SP100: variants seen among roughly 807,000 people sequenced by gnomAD.
SP100 encodes SP100 nuclear body protein, also known as nuclear autoantigen Sp-100.
In SP100, 84 loss-of-function variants were observed where a neutral mutation model predicts 130.0. The observed-to-expected ratio is 0.65, with a 90% CI of 0.54 to 0.77. The LOEUF (loss-of-function observed/expected upper bound fraction) is 0.77. Among genes scored for constraint, SP100 ranks in the 30% least tolerant of loss-of-function variants. The probability of loss-of-function intolerance (pLI) is 0.00; values close to 1 mark genes in which losing one functional copy is unlikely to be tolerated. For missense variants in SP100, 978 were observed against 1,052.2 expected (o/e 0.93, Z 0.97); for synonymous variants, 331 against 351.7 (o/e 0.94, Z 0.66).
chr2:230,425,801 AT>A (rs35350531), intron 2 of SP100, among the ~76,000 whole-genome samples: 35 of 148,076 alleles, frequency 2.4e-4, no homozygotes, highest in Admixed American at 1.5e-3. Flanking sequence ...CTTGCTCTTA[AT>A]TTTTTTTTTT....
chr2:230,416,639 T>G, intron 1 of SP100: 1 of 658,702 alleles, frequency 1.5e-6, no homozygotes, highest in Non-Finnish European at 2.0e-6. Context: ...TATTTCCTCA[T>G]GATCTGTGAA....
chr2:230,536,773 G>T (rs538540369), intron 24 of SP100, among the ~76,000 whole-genome samples: 1 of 60,400 alleles, frequency 1.7e-5, no homozygotes, highest in East Asian at 3.4e-4. Flanking sequence ...AATACTCATT[G>T]TCTCAGTGAT....
Position 230,436,884 on chromosome 2 carries a change from A to ACG in SP100, c.108-6052_108-6051insGC, listed in dbSNP as rs1553634413. Among the ~76,000 whole-genome samples, 807 of 84,834 alleles carry ACG rather than the reference A, an allele frequency of 9.5e-3. 5 individuals carry two copies. The highest frequency in any genetic ancestry group is 0.036 in the African/African-American group (773 of 21,428). The allele number at this position is 84,834 out of a possible 152,430, so 55.7% of individuals were successfully genotyped here. On this transcript the variant is annotated intron_variant, in intron 2 of 28. Coordinates refer to ENST00000340126, the MANE Select transcript of SP100 (RefSeq NM_001080391.2). ...CACATATGTATATGTGTATACACAC[A>ACG]CATATATGTGTATACACACACGCAT...
chr2:230,511,938 C>T (rs1690616944), intron 24 of SP100, among the ~76,000 whole-genome samples: 1 of 152,230 alleles, frequency 6.6e-6, no homozygotes, highest in South Asian at 2.1e-4. Context: ...ACAATCACAG[C>T]TCACTGCAGC....
At chr2:230,480,195 A>G (rs1303733074) in intron 17 of SP100, among the ~76,000 whole-genome samples, 6 of 152,172 alleles carry the variant, frequency 3.9e-5, no homozygotes, top group African/African-American at 1.2e-4. Flanking sequence ...TTTATTCACA[A>G]CTGTATCCTC....
intron 19 of SP100, among the ~76,000 whole-genome samples, chr2:230,500,829 G>C (rs1322142086): frequency 6.6e-6 from 1 of 152,144 alleles, no homozygotes; most frequent in Non-Finnish European, 1.5e-5. Context: ...GCCCAATCAT[G>C]GTCTTTGAAA....
chr2:230,419,859 T>C (rs963961517), intron 2 of SP100, among the ~76,000 whole-genome samples: 1 of 152,202 alleles, frequency 6.6e-6, no homozygotes, highest in South Asian at 2.1e-4. Context: ...ATTTTACATA[T>C]GAATTTGCGT....
chr2:230,512,394 A>G (rs910974180), intron 24 of SP100, among the ~76,000 whole-genome samples: 1 of 142,302 alleles, frequency 7.0e-6, no homozygotes, highest in Non-Finnish European at 1.5e-5. Flanking sequence ...GATTCAGGCA[A>G]TTCTCCTGCC....
chr2:230,495,070 T>C (rs1430166994), intron 18 of SP100, among the ~76,000 whole-genome samples: 1 of 152,222 alleles, frequency 6.6e-6, no homozygotes, highest in East Asian at 1.9e-4. Context: ...TCCAGCCTTT[T>C]TGTCACCTGA....
intron 25 of SP100, among the ~76,000 whole-genome samples, chr2:230,540,545 A>AG (rs1692131349): frequency 6.6e-6 from 1 of 152,200 alleles, no homozygotes; most frequent in Non-Finnish European, 1.5e-5. Context: ...TTTGTGCTTA[A>AG]GGTACTCATT....
intron 2 of SP100, among the ~76,000 whole-genome samples, chr2:230,427,209 T>G (rs969173488): frequency 1.3e-5 from 2 of 152,154 alleles, no homozygotes; most frequent in Non-Finnish European, 2.9e-5. Flanking sequence ...TCACCCAGGT[T>G]GGAGTGCAGT....
intron 24 of SP100, among the ~76,000 whole-genome samples, chr2:230,533,001 G>A (rs917223322): frequency 3.9e-5 from 6 of 151,996 alleles, no homozygotes; most frequent in East Asian, 3.9e-4. Context: ...GGCTGGTGTC[G>A]AACGCCTAAC....
intron 3 of SP100, 30 bp from the exon 4 acceptor site, chr2:230,444,148 T>C: frequency 6.7e-7 from 1 of 1,483,078 alleles, no homozygotes; most frequent in South Asian, 1.3e-5. Flanking sequence ...AAGTCTTTAT[T>C]TATATTTTCT....
In SP100 at chr2:230,533,612, A is replaced by G. The variant is rs1691802934; in HGVS notation, c.2095-5655A>G. On this transcript the variant is annotated intron_variant, in intron 24 of 28. Coordinates refer to ENST00000340126, the MANE Select transcript of SP100 (RefSeq NM_001080391.2). ...TCAGACCTGGGAGAAAATGACAGTCAAAATGAACTGCTTTCATGAGACACT... is the reference window on the plus strand; with the variant it reads ...TCAGACCTGGGAGAAAATGACAGTCGAAATGAACTGCTTTCATGAGACACT... Among the ~76,000 whole-genome samples, 4 of 152,234 alleles carry G rather than the reference A, an allele frequency of 2.6e-5. No individual in the cohort carries two copies. In the South Asian group the frequency reaches 8.3e-4, roughly 31 times the overall value.
intron 15 of SP100, among the ~76,000 whole-genome samples, chr2:230,472,836 G>C (rs987624754): frequency 2.6e-5 from 4 of 152,078 alleles, no homozygotes; most frequent in African/African-American, 9.7e-5. Context: ...GATTAAAAAA[G>C]GCCTCACCCA....
At chr2:230,535,523 T>TTC (rs141197281) in intron 24 of SP100, among the ~76,000 whole-genome samples, 6 of 151,768 alleles carry the variant, frequency 4.0e-5, no homozygotes, top group East Asian at 1.9e-4. Flanking sequence ...TGAGGCATAT[T>TTC]TCTCTCTCTC....
Position 230,447,461 on chromosome 2 carries a change from G to GC in SP100, c.523+565dup, listed in dbSNP as rs971782079. Among the ~76,000 whole-genome samples the GC allele has an allele frequency of 2.6e-5, 4 of 152,280 alleles. No homozygotes were observed. The South Asian group carries it at 8.3e-4, about 32-fold the overall frequency. On this transcript the variant is annotated intron_variant, in intron 5 of 28. Coordinates refer to ENST00000340126, the MANE Select transcript of SP100 (RefSeq NM_001080391.2). Reference sequence around the variant, plus strand: ...GTTAAGGGCTCATTCCCATAAGAATGCCCCCCACTTCAGATGCCAGTTGCA... The same window carrying GC: ...GTTAAGGGCTCATTCCCATAAGAATGCCCCCCCACTTCAGATGCCAGTTGCA...
At chr2:230,500,988 A>G (rs2066987530) in intron 19 of SP100, among the ~76,000 whole-genome samples, 1 of 152,130 alleles carries the variant, frequency 6.6e-6, no homozygotes, top group African/African-American at 2.4e-5. Context: ...CACACCTGTA[A>G]TCCCAGCACT....
chr2:230,467,814 G>A (rs888981005), intron 13 of SP100, among the ~76,000 whole-genome samples: 17 of 152,208 alleles, frequency 1.1e-4, no homozygotes, highest in Admixed American at 9.2e-4. Context: ...TTGGATTTAT[G>A]TAGTGATTTC....
Sources: gnomAD v4.1 joint callset for allele counts (sites outside exome capture counted in the v4.1 genomes callset) on GRCh38, gnomAD v4.1.1 for gene constraint, MANE v1.5 for transcripts, NCBI Gene and HGNC (gene_info 2026-07-23, HGNC 2026-07-21) for gene names.